MCF2L: variants seen among roughly 807,000 people sequenced by gnomAD.
The protein encoded by MCF2L is guanine nucleotide exchange factor DBS.
In MCF2L, 97 loss-of-function variants were observed where a neutral mutation model predicts 153.4. The ratio of observed to expected loss-of-function variants is 0.63; its 90% CI spans 0.54 to 0.75. The LOEUF (loss-of-function observed/expected upper bound fraction) is 0.75. Ranked by LOEUF, MCF2L falls within the 30% of genes least tolerant of loss-of-function variation. MCF2L has a pLI of 0.00. For synonymous variants in MCF2L, 659 were observed against 632.2 expected (o/e 1.04, Z -0.64); for missense variants, 1,347 against 1,495.2 (o/e 0.90, Z 1.64).
In MCF2L at chr13:113,087,367, G is replaced by A. The variant is rs772434144; in HGVS notation, c.2506G>A (p.Glu836Lys). 8 of 1,613,446 alleles carry A rather than the reference G, an allele frequency of 5.0e-6. No individual in the cohort carries two copies. The highest frequency in any genetic ancestry group is 2.2e-5 in the South Asian group (2 of 91,078). Residue 836 changes from glutamate to lysine, a missense_variant, in exon 22 of 30, where the codon GAG becomes AAG. Physicochemically the swap from Glu to Lys is moderately conservative, Grantham distance 56. Around this residue, in one of 3 missense-constraint regions of MCF2L, gnomAD observed 144 missense variants for 238.7 expected, o/e 0.60. Coordinates refer to ENST00000535094, the MANE Select transcript of MCF2L (RefSeq NM_001112732.3). ...CATGCAGCGGCACCTGTTCCTGCAC[G>A]AGAAGGCAGTGCTCTTCTGCAAGAA... ...KPMQRHLFLH[E>K]KAVLFCKKRE...
rs931959207 is a variant in MCF2L, at chr13:112,932,197, G to A, written c.169+29826G>A. Reference sequence around the variant, plus strand: ...GGCAATCGAGGTCAGCACCGATGGCGACCAGGCGTGTAGACTCGTGCCCTG... The same window carrying A: ...GGCAATCGAGGTCAGCACCGATGGCAACCAGGCGTGTAGACTCGTGCCCTG... On this transcript the variant is annotated intron_variant, in intron 2 of 29. Transcript: ENST00000375608. The surrounding 1 kb of genome is among the most constrained non-coding windows in gnomAD (Gnocchi z 4.6). Among the ~76,000 whole-genome samples, 2 of 152,154 alleles carry A rather than the reference G, an allele frequency of 1.3e-5. No individual in the cohort carries two copies. Among genetic ancestry groups the A allele is most frequent in the South Asian group, 2.1e-4 (1 of 4,822 alleles).
At chr13:113,044,056 G>A (rs141374220) in intron 3 of MCF2L, 4 of 156,986 alleles carry the variant, frequency 2.5e-5, no homozygotes, top group East Asian at 3.7e-4. Context: ...ATCAGAAAAC[G>A]AATTCTGTCT....
chr13:113,019,554 G>T (rs747031929), intron 2 of MCF2L, among the ~76,000 whole-genome samples: 1 of 152,216 alleles, frequency 6.6e-6, no homozygotes, highest in East Asian at 1.9e-4. Context: ...GTCATGAGAC[G>T]GAGACAGGAA....
At chr13:112,921,843 C>A (rs567729945) in intron 2 of MCF2L, among the ~76,000 whole-genome samples, 4 of 152,022 alleles carry the variant, frequency 2.6e-5, no homozygotes, top group Non-Finnish European at 5.9e-5. Flanking sequence ...CTTAGCAAAT[C>A]TATGAAATAT....
chr13:112,918,989 C>T (rs545477918), intron 2 of MCF2L, among the ~76,000 whole-genome samples: 32 of 152,290 alleles, frequency 2.1e-4, no homozygotes, highest in East Asian at 1.4e-3. Flanking sequence ...CTGGCAGAGG[C>T]GCTGTTGAAA....
intron 2 of MCF2L, among the ~76,000 whole-genome samples, chr13:112,947,789 G>A (rs1169511894): frequency 6.6e-6 from 1 of 152,188 alleles, no homozygotes; most frequent in African/African-American, 2.4e-5. Context: ...TGGAGTCTCA[G>A]GGGTGGCCCT....
rs1352780931 is a variant in MCF2L, at chr13:112,907,213, C to T, written c.169+4842C>T. Among the ~76,000 whole-genome samples, 3 of 152,176 alleles carry T rather than the reference C, an allele frequency of 2.0e-5. No homozygotes were observed. The highest frequency in any genetic ancestry group is 4.4e-5 in the Non-Finnish European group (3 of 68,036). The stretch of plus-strand genomic sequence containing the variant: ...CTTCGGGAAGGACCAAGACTTGCCC[C>T]AGCCTTGAGAAGTGATGGGGCTGCA... On this transcript the variant is annotated intron_variant, in intron 2 of 29. Transcript: ENST00000375608. This position sits in a 1 kb window ranked among gnomAD's most constrained non-coding sequence, Gnocchi z 5.1.
intron 2 of MCF2L, among the ~76,000 whole-genome samples, chr13:113,019,873 C>A (rs1285179113): frequency 6.6e-6 from 1 of 152,220 alleles, no homozygotes; most frequent in African/African-American, 2.4e-5. Context: ...CGTCACCAGA[C>A]ACCAAGTCTA....
At chr13:112,917,981 T>C (rs920058287) in intron 2 of MCF2L, among the ~76,000 whole-genome samples, 1 of 152,124 alleles carries the variant, frequency 6.6e-6, no homozygotes, top group African/African-American at 2.4e-5. Context: ...CATTTCCTGG[T>C]CTGTTTGAAG....
At chr13:113,009,730 T>TA (rs2083954232) in intron 1 of MCF2L, 1 of 152,386 alleles carries the variant, frequency 6.6e-6, no homozygotes, top group Non-Finnish European at 1.5e-5. Context: ...CGTTTCTTCT[T>TA]ACTGCCCTGC....
Position 113,045,311 on chromosome 13 carries a change from C to A in MCF2L, c.319C>A (p.Arg107=), listed in dbSNP as rs1368238188. The change falls in exon 4 of 30, where the codon CGG becomes AGG. Residue 107 remains arginine (R), a synonymous_variant. Transcript: ENST00000535094. This position sits in a 1 kb window ranked among gnomAD's most constrained non-coding sequence, Gnocchi z 4.2. ...AGIGFILVID[R]RRDKWTSVKA... Reference sequence around the variant, plus strand: ...CATCGGATTCATCCTGGTGATAGACCGGCGACGGGACAAATGGACCTCCGT... The same window carrying A: ...CATCGGATTCATCCTGGTGATAGACAGGCGACGGGACAAATGGACCTCCGT... 6.2e-7 allele frequency: 1 copy of A among 1,613,962 alleles called. No homozygotes were observed. Among genetic ancestry groups the A allele is most frequent in the Non-Finnish European group, 8.5e-7 (1 of 1,180,030 alleles).
In MCF2L at chr13:112,943,790, A is replaced by C. The variant is rs990777620; in HGVS notation, c.169+41419A>C. ...GAGCATTTTCTGGAAGCCTCCACAGACTTCAGGCGGACCGGAAGGACCTGG... is the reference window on the plus strand; with the variant it reads ...GAGCATTTTCTGGAAGCCTCCACAGCCTTCAGGCGGACCGGAAGGACCTGG... On this transcript the variant is annotated intron_variant, in intron 2 of 29. Coordinates refer to the MCF2L transcript ENST00000375608. This position sits in a 1 kb window ranked among gnomAD's most constrained non-coding sequence, Gnocchi z 4.2. Among the ~76,000 whole-genome samples the C allele has an allele frequency of 6.6e-6, 1 of 151,510 alleles. No homozygotes were observed. The highest frequency in any genetic ancestry group is 2.4e-5 in the African/African-American group (1 of 41,172).
At chr13:112,984,760 C>T (rs1377403949) in intron 1 of MCF2L, among the ~76,000 whole-genome samples, 1 of 152,186 alleles carries the variant, frequency 6.6e-6, no homozygotes, top group East Asian at 1.9e-4. Flanking sequence ...ACCAATCCCT[C>T]AGCAATCACA....
chr13:112,901,036 A>G lies in MCF2L; in HGVS notation c.-4-1163A>G, dbSNP rs187470327. ...CCCCTTCCCAGGGGAATACCAGGGC[A>G]GGAGGGATTTCCCCAGGGAGCTGAG... is the stretch of plus-strand genomic sequence containing the variant. On this transcript the variant is annotated intron_variant, in intron 1 of 29. Coordinates refer to the MCF2L transcript ENST00000375608. Among the ~76,000 whole-genome samples the G allele has an allele frequency of 3.0e-3, 451 of 152,324 alleles. 3 individuals are homozygous for G. The highest frequency in any genetic ancestry group is 0.01 in the African/African-American group (436 of 41,576).
chr13:112,915,785 A>G (rs915311849), intron 2 of MCF2L, among the ~76,000 whole-genome samples: 1 of 152,184 alleles, frequency 6.6e-6, no homozygotes, highest in East Asian at 1.9e-4. Context: ...ATTAAGTAGT[A>G]GTAGTGATGT....
At chr13:113,016,475 G>A (rs147924632) in intron 2 of MCF2L, among the ~76,000 whole-genome samples, 196 of 152,240 alleles carry the variant, frequency 1.3e-3, no homozygotes, top group African/African-American at 4.2e-3. Flanking sequence ...ACCCCTCCAC[G>A]TGGGCCCAGA....
chr13:113,018,078 A>C (rs1460484049), intron 2 of MCF2L, among the ~76,000 whole-genome samples: 4 of 152,162 alleles, frequency 2.6e-5, no homozygotes, highest in Non-Finnish European at 5.9e-5. Flanking sequence ...CTGTAGACGC[A>C]CAGGTGCCAC....
At chr13:112,968,831 G>A (rs2081946079), upstream of MCF2L, 4 of 1,262,876 alleles carry the variant, frequency 3.2e-6, no homozygotes, top group Middle Eastern at 2.8e-4. Flanking sequence ...GAACCGGGGG[G>A]AAGGGCGGGG....
At position 113,086,155 on chromosome 13, in the gene MCF2L, G is replaced by A; in HGVS notation, c.2279G>A (p.Gly760Glu). 7 of 1,610,328 alleles carry A rather than the reference G, an allele frequency of 4.3e-6. No homozygotes were observed. The highest frequency in any genetic ancestry group is 5.9e-6 in the Non-Finnish European group (7 of 1,178,476). ...CTGAAATACAGCAGGAACTGCGAGGGGGCTGAGGACCTGCAGGAGGCGCTG... is the reference window on the plus strand; with the variant it reads ...CTGAAATACAGCAGGAACTGCGAGGAGGCTGAGGACCTGCAGGAGGCGCTG... The part of the protein sequence containing the change: ...EMLKYSRNCE[G>E]AEDLQEALSS... Residue 760 changes from glycine to glutamate, a missense_variant, in exon 21 of 30, where the codon GGG becomes GAG. This residue lies in a region of MCF2L where 144 missense variants were observed against 238.7 expected (regional missense o/e 0.60). Coordinates refer to ENST00000535094, the MANE Select transcript of MCF2L (RefSeq NM_001112732.3).
Sources: allele counts gnomAD v4.1 joint callset (sites outside exome capture counted in the v4.1 genomes callset), GRCh38; gene constraint gnomAD v4.1.1; regional missense constraint gnomAD v4.1.1; non-coding constraint Gnocchi (gnomAD v3.1); transcripts MANE v1.5; gene names NCBI Gene and HGNC (gene_info 2026-07-23, HGNC 2026-07-21).